CEP44: variants seen among roughly 807,000 people sequenced by gnomAD.
CEP44 encodes the protein centrosomal protein 44, also known as centrosomal protein of 44 kDa.
A neutral mutation model predicts 46.7 loss-of-function variants in CEP44; 45 were observed. The observed-to-expected ratio is 0.96, with a 90% confidence interval of 0.76 to 1.24. CEP44 has a LOEUF of 1.24. CEP44 is among the 50% of genes most tolerant of loss of function. CEP44 has a pLI of 0.00. For missense variants in CEP44, 475 were observed against 459.7 expected (o/e 1.03, Z -0.30); for synonymous variants, 142 against 146.0 (o/e 0.97, Z 0.20).
chr4:174,302,970 G>GAT (rs1036977032), intron 4 of CEP44, among the ~76,000 whole-genome samples: 3 of 151,892 alleles, frequency 2.0e-5, no homozygotes, highest in Non-Finnish European at 4.4e-5. Flanking sequence ...TTTTAGTAGA[G>GAT]AGGGTTTCAC....
chr4:174,296,763 A>T (rs1348859335), intron 1 of CEP44, among the ~76,000 whole-genome samples: 38 of 90,374 alleles, frequency 4.2e-4, no homozygotes, highest in Admixed American at 5.5e-4. Context: ...GTCCTTACTG[A>T]TTTTTTTTTT....
chr4:174,303,058 G>T (rs1297077373), intron 4 of CEP44, among the ~76,000 whole-genome samples: 3 of 152,082 alleles, frequency 2.0e-5, no homozygotes, highest in Admixed American at 1.3e-4. Flanking sequence ...GGCATTACAG[G>T]CATGAGCCAC....
chr4:174,293,908 G>A (rs573080797), intron 1 of CEP44, among the ~76,000 whole-genome samples: 137 of 152,242 alleles, frequency 9.0e-4, no homozygotes, highest in Non-Finnish European at 1.6e-3. Context: ...AGCCTTAAGT[G>A]TGGTGTTAGC....
chr4:174,321,600 T>C (rs1188656374), downstream of CEP44, among the ~76,000 whole-genome samples: 1 of 152,154 alleles, frequency 6.6e-6, no homozygotes, highest in Non-Finnish European at 1.5e-5. Context: ...CTTTTAATTA[T>C]GTTGCCCAAA....
rs57955862 is a variant in CEP44 at position 174,291,381 on chromosome 4, C to A, written c.-147-6585C>A. 5.2e-3 allele frequency among the ~76,000 whole-genome samples: 786 copies of A among 152,166 alleles called. 4 individuals carry two copies. Among genetic ancestry groups the A allele is most frequent in the African/African-American group, 0.018 (735 of 41,504 alleles). On this transcript the variant is annotated intron_variant, in intron 1 of 11. Transcript: ENST00000503780. ...GGCTTTTTAAAGCTAGTAACAACTT[C>A]ATTCATATTCAGAATCTCTACACTT...
intron 1 of CEP44, chr4:174,285,371 G>C (rs1218554087): frequency 6.6e-6 from 1 of 152,022 alleles, no homozygotes; most frequent in Non-Finnish European, 1.5e-5. Flanking sequence ...ATTTTATTCT[G>C]TGATAATCCC....
chr4:174,307,402 TAGCCA>T, intron 6 of CEP44, among the ~76,000 whole-genome samples: 1 of 152,140 alleles, frequency 6.6e-6, no homozygotes, highest in African/African-American at 2.4e-5. Context: ...GATAACTGGG[TAGCCA>T]TATGCAGAAG....
rs1472212674 is a variant in CEP44 at position 174,311,313 on chromosome 4, A to G, written c.961+455A>G. 1.3e-5 allele frequency among the ~76,000 whole-genome samples: 2 copies of G among 152,188 alleles called. No individual in the cohort carries two copies. Among genetic ancestry groups the G allele is most frequent in the East Asian group, 3.9e-4 (2 of 5,170 alleles). On this transcript the variant is annotated intron_variant, in intron 9 of 11. Transcript: ENST00000503780. This position sits in a 1 kb window ranked among gnomAD's most constrained non-coding sequence, Gnocchi z 4.4. ...AATGATAAAATGGGAAAGATCTGAT[A>G]TTAGGATAGGTCTTTTCCTGGTCAC...
At chr4:174,332,026 GTGCT>G in exon 9 of CEP44, 2 of 154,902 alleles carry the variant, frequency 1.3e-5, no homozygotes. Context: ...GATTACAGAA[GTGCT>G]GAAGCAGACC....
At chr4:174,325,077 T>C (rs1363629710), downstream of CEP44, among the ~76,000 whole-genome samples, 1 of 152,176 alleles carries the variant, frequency 6.6e-6, no homozygotes, top group Non-Finnish European at 1.5e-5. This position sits in a 1 kb window ranked among gnomAD's most constrained non-coding sequence, Gnocchi z 4.4. Flanking sequence ...CAGTGTGTAA[T>C]GGTCTCTCAT....
Position 174,319,792 on chromosome 4 carries a change from T to C in CEP44, c.*2409T>C. The C allele has an allele frequency of 3.1e-6, 3 of 958,518 alleles. No individual in the cohort carries two copies. Among genetic ancestry groups the C allele is most frequent in the Non-Finnish European group, 3.7e-6 (3 of 805,234 alleles). The allele number at this position is 958,518 out of a possible 1,614,324, so 59.4% of individuals were successfully genotyped here. A position where few individuals can be genotyped will look rare whatever the true frequency, so the allele number is the denominator to read the frequency against. On this transcript the variant is annotated 3_prime_UTR_variant, in exon 12 of 12. Transcript: ENST00000503780. ...ACAAAGAGTCTTTATCTAGACAACA[T>C]AATTTTTGGAAAAATAAAGCAAATT...
chr4:174,293,175 TG>T lies in CEP44; in HGVS notation c.-147-4788del, dbSNP rs150796356. On this transcript the variant is annotated intron_variant, in intron 1 of 11. Transcript: ENST00000503780. ...GGGCTTGGGTGGGTGTGGTTCCTTC[TG>T]GGTTCCCAGACAAACAAGTCTTCCT... 8.9e-3 allele frequency among the ~76,000 whole-genome samples: 1,358 copies of T among 152,336 alleles called. 23 individuals carry two copies. Among genetic ancestry groups the T allele is most frequent in the African/African-American group, 0.031 (1,269 of 41,562 alleles).
At chr4:174,300,784 T>C (rs1296894375) in intron 3 of CEP44, among the ~76,000 whole-genome samples, 1 of 152,106 alleles carries the variant, frequency 6.6e-6, no homozygotes, top group African/African-American at 2.4e-5. Context: ...ATTTGCTGTT[T>C]TTTGTGTTGG....
chr4:174,331,389 A>C lies in CEP44; in HGVS notation c.1087-93A>C, dbSNP rs557110232. The C allele has an allele frequency of 3.9e-5, 51 of 1,311,022 alleles. No individual in the cohort carries two copies. Among genetic ancestry groups the C allele is most frequent in the African/African-American group, 5.8e-5 (4 of 68,600 alleles). 81.2% of individuals were successfully genotyped at this position (1,311,022 alleles called of 1,614,324 possible). On this transcript the variant is annotated intron_variant, in intron 8 of 8. Coordinates refer to the CEP44 transcript ENST00000426172. This position sits in a 1 kb window ranked among gnomAD's most constrained non-coding sequence, Gnocchi z 4.5. ...TATTATGGAAGAGGAGGAAATATTA[A>C]TAGCACTCTGACACTGCTCTAATTC...
At chr4:174,294,834 A>G (rs368978382) in intron 1 of CEP44, among the ~76,000 whole-genome samples, 1,543 of 63,058 alleles carry the variant, frequency 0.024, 15 homozygotes, top group African/African-American at 0.063. Context: ...CCCGGACGGG[A>G]CGGCTGGCCG....
intron 3 of CEP44, among the ~76,000 whole-genome samples, chr4:174,299,755 A>C (rs1033975003): frequency 1.3e-5 from 2 of 152,104 alleles, no homozygotes; most frequent in Non-Finnish European, 2.9e-5. Flanking sequence ...CATTTAACAG[A>C]CCCCACTTTG....
At chr4:174,307,056 C>A (rs1740491466) in intron 6 of CEP44, among the ~76,000 whole-genome samples, 1 of 152,182 alleles carries the variant, frequency 6.6e-6, no homozygotes, top group South Asian at 2.1e-4. Context: ...TTTATAGATT[C>A]AATGCTACTC....
Position 174,303,740 on chromosome 4 carries a change from C to T in CEP44, c.275C>T (p.Thr92Ile). The T allele has an allele frequency of 6.4e-7, 1 of 1,550,610 alleles. No individual in the cohort carries two copies. The highest frequency in any genetic ancestry group is 1.2e-5 in the South Asian group (1 of 83,898). The change falls in exon 5 of 12, where the codon ACA becomes ATA. Residue 92 changes from threonine (T) to isoleucine (I), a missense_variant. Thr to Ile is a moderately conservative substitution (Grantham distance 89, BLOSUM62 -1). Coordinates refer to ENST00000503780, the MANE Select transcript of CEP44 (RefSeq NM_001040157.3). ...RDQFNYKPIL[T>I]KKQFIQCGFA... ...CAATTTAATTATAAACCAATTTTGA[C>T]AAAAAAGCAGTTTATCCAATGTGGG... is the stretch of plus-strand genomic sequence containing the variant.
chr4:174,284,008 C>T (rs775407477), intron 1 of CEP44, 65 bp downstream of exon 1: 12 of 399,662 alleles, frequency 3.0e-5, no homozygotes, highest in African/African-American at 1.8e-4. Flanking sequence ...CGCTTCTGGG[C>T]GCAGGCGCCT....
Sources: gnomAD v4.1 joint callset for allele counts (sites outside exome capture counted in the v4.1 genomes callset) on GRCh38, gnomAD v4.1.1 for gene constraint, Gnocchi (gnomAD v3.1) non-coding constraint, MANE v1.5 for transcripts, NCBI Gene and HGNC (gene_info 2026-07-23, HGNC 2026-07-21) for gene names.